POTEB3: variants seen among roughly 807,000 people sequenced by gnomAD.
POTEB3 encodes the protein POTE ankyrin domain family member B3, also known as ANKRD26-like family B member 1.
Under a neutral mutation model 39.8 loss-of-function variants are expected in POTEB3, and 5 were observed. That is an observed-to-expected ratio of 0.13 (90% CI 0.07 to 0.26). The LOEUF (loss-of-function observed/expected upper bound fraction) is 0.26. Ranked by LOEUF, POTEB3 falls within the 10% of genes least tolerant of loss-of-function variation. The probability of loss-of-function intolerance (pLI) is 1.00; values close to 1 mark genes in which losing one functional copy is unlikely to be tolerated. For synonymous variants in POTEB3, 5 were observed against 161.5 expected (o/e 0.03, Z 7.35); for missense variants, 24 against 475.6 (o/e 0.05, Z 8.83).
intron 6 of POTEB3, chr15:21,426,309 C>G (rs73414017): frequency 1.3e-5 from 5 of 382,886 alleles, no homozygotes; most frequent in African/African-American, 2.2e-5. Context: ...TTTTTCAAAA[C>G]TTTCATTCCT....
intron 6 of POTEB3, 51 bp downstream of exon 6, chr15:21,427,633 CA>C: frequency 4.6e-6 from 4 of 863,928 alleles, no homozygotes; most frequent in Non-Finnish European, 6.3e-6. Flanking sequence ...TCCCTGATGC[CA>C]AAAACATTGT....
intron 6 of POTEB3, chr15:21,426,348 A>G (rs1410312280): frequency 2.9e-6 from 1 of 344,322 alleles, no homozygotes; most frequent in African/African-American, 2.3e-5. Context: ...CATAATTAAT[A>G]CATAATAAAT....
chr15:21,433,296 C>G (rs1899048446), intron 3 of POTEB3, among the ~76,000 whole-genome samples: 1 of 150,706 alleles, frequency 6.6e-6, no homozygotes, highest in Non-Finnish European at 1.5e-5. Context: ...TTATGTTGAC[C>G]AGGCTAGAGT....
chr15:21,422,701 C>T (rs28419426), intron 6 of POTEB3, among the ~76,000 whole-genome samples: 20,446 of 132,214 alleles, frequency 0.15, 115 homozygotes, highest in African/African-American at 0.18. Context: ...ACCATCTCCC[C>T]TCCCCCTCAG....
chr15:21,417,901 A>G lies in POTEB3; in HGVS notation c.1409+1563T>C, dbSNP rs1186622664. Among the ~76,000 whole-genome samples the G allele has an allele frequency of 1.8e-5, 2 of 108,642 alleles. 1 individual carries two copies. Among genetic ancestry groups the G allele is most frequent in the Non-Finnish European group, 3.6e-5 (2 of 56,234 alleles). 71.3% of individuals were successfully genotyped at this position (108,642 alleles called of 152,430 possible). ...ACACATGCTGGGCACTTTTATAAAT[A>G]AGTGTTACTGCATTAGCAGCACCTT... On this transcript the variant is annotated intron_variant, in intron 9 of 10. Coordinates refer to ENST00000611217, the MANE Select transcript of POTEB3 (RefSeq NM_207355.5).
In POTEB3 at chr15:21,420,870, T is replaced by G. The variant is rs1279897998; in HGVS notation, c.1198-152A>C. On this transcript the variant is annotated intron_variant, in intron 7 of 10. Transcript: ENST00000611217. ...AAAATAAAATTTAACTTAAAATAATTAAATAAATAAATAATTAAAATTAAG... is the reference window on the plus strand; with the variant it reads ...AAAATAAAATTTAACTTAAAATAATGAAATAAATAAATAATTAAAATTAAG... 3.3e-5 allele frequency among the ~76,000 whole-genome samples: 2 copies of G among 60,564 alleles called. 1 individual carries two copies. Among genetic ancestry groups the G allele is most frequent in the Non-Finnish European group, 6.7e-5 (2 of 29,706 alleles). The allele number at this position is 60,564 out of a possible 152,430, so 39.7% of individuals were successfully genotyped here. A position where few individuals can be genotyped will look rare whatever the true frequency, so the allele number is the denominator to read the frequency against.
Position 21,434,988 on chromosome 15 carries a change from G to A in POTEB3, c.636+6C>T. On this transcript the variant is annotated splice_donor_region_variant and intron_variant, in intron 2 of 10. Coordinates refer to ENST00000611217, the MANE Select transcript of POTEB3 (RefSeq NM_207355.5). Reference sequence around the variant, plus strand: ...TCTCACGCTGATATAGTTGACTACTGCATACCTTTATCAGAGCTGTCCTTT... The same window carrying A: ...TCTCACGCTGATATAGTTGACTACTACATACCTTTATCAGAGCTGTCCTTT... 2 of 1,152 alleles carry A rather than the reference G, an allele frequency of 1.7e-3. No homozygotes were observed. Among genetic ancestry groups the A allele is most frequent in the Admixed American group, 5.1e-3 (1 of 196 alleles). The allele number at this position is 1,152 out of a possible 1,614,324, so 0.1% of individuals were successfully genotyped here.
intron 10 of POTEB3, 81 bp downstream of exon 10, chr15:21,410,797 A>C: frequency 1.3e-6 from 1 of 767,224 alleles, no homozygotes; most frequent in Non-Finnish European, 1.8e-6. Context: ...ATGATTTAAA[A>C]ATCCTTTATA....
rs1263764695 is a variant in POTEB3, at chr15:21,433,677, G to T, written c.810+984C>A. On this transcript the variant is annotated intron_variant, in intron 3 of 10. Transcript: ENST00000611217. Reference sequence around the variant, plus strand: ...TTTTCCCTGGTAAGAGTAGAACAAGGTCTAGTAAACTCAAAATCCAACCTG... The same window carrying T: ...TTTTCCCTGGTAAGAGTAGAACAAGTTCTAGTAAACTCAAAATCCAACCTG... Among the ~76,000 whole-genome samples, 36 of 148,176 alleles carry T rather than the reference G, an allele frequency of 2.4e-4. No homozygotes were observed. In the East Asian group the frequency reaches 7.0e-3, roughly 29 times the overall value.
At chr15:21,424,908 T>G (rs1898620908) in intron 6 of POTEB3, 1 of 146,720 alleles carries the variant, frequency 6.8e-6, no homozygotes, top group Non-Finnish European at 1.5e-5. Flanking sequence ...AAAATGGCTT[T>G]TATTACAAAA....
rs1380022655 is a variant in POTEB3, at chr15:21,413,538, A to AT, written c.1410-2538dup. ...TATATATATATATATATATATATAT[A>AT]TATATATATATATATGTATGTATGT... On this transcript the variant is annotated intron_variant, in intron 9 of 10. Coordinates refer to ENST00000611217, the MANE Select transcript of POTEB3 (RefSeq NM_207355.5). Among the ~76,000 whole-genome samples the AT allele has an allele frequency of 1.1e-3, 28 of 25,650 alleles. 4 individuals are homozygous for AT. The South Asian group carries it at 0.016, about 14-fold the overall frequency. The allele number at this position is 25,650 out of a possible 152,430, so 16.8% of individuals were successfully genotyped here.
rs1460907864 is a variant in POTEB3 at position 21,417,960 on chromosome 15, G to T, written c.1409+1504C>A. Among the ~76,000 whole-genome samples, 13 of 105,358 alleles carry T rather than the reference G, an allele frequency of 1.2e-4. 1 individual carries two copies. Among genetic ancestry groups the T allele is most frequent in the East Asian group, 2.3e-4 (1 of 4,376 alleles). The allele number at this position is 105,358 out of a possible 152,430, so 69.1% of individuals were successfully genotyped here. A position where few individuals can be genotyped will look rare whatever the true frequency, so the allele number is the denominator to read the frequency against. On this transcript the variant is annotated intron_variant, in intron 9 of 10. Coordinates refer to ENST00000611217, the MANE Select transcript of POTEB3 (RefSeq NM_207355.5). ...CACAAGGGTCAGCAAATTAGCACCT[G>T]TGGGCCAAATCCAGGCCACTGACTG...
rs1446913120 is a variant in POTEB3, at chr15:21,407,445, A to T, written c.*1538T>A. 4.6e-5 allele frequency among the ~76,000 whole-genome samples: 4 copies of T among 86,540 alleles called. 1 individual carries two copies. Among genetic ancestry groups the T allele is most frequent in the Non-Finnish European group, 8.3e-5 (4 of 48,422 alleles). 56.8% of individuals were successfully genotyped at this position (86,540 alleles called of 152,430 possible). ...ACACACACAGCTAAGTGATGTAGGAAGTTTCCATATAAAGGGCTGCAGTAT... is the reference window on the plus strand; with the variant it reads ...ACACACACAGCTAAGTGATGTAGGATGTTTCCATATAAAGGGCTGCAGTAT... On this transcript the variant is annotated 3_prime_UTR_variant, in exon 11 of 11. Coordinates refer to ENST00000611217, the MANE Select transcript of POTEB3 (RefSeq NM_207355.5).
intron 3 of POTEB3, among the ~76,000 whole-genome samples, chr15:21,433,181 G>C (rs1303015208): frequency 4.0e-5 from 6 of 151,168 alleles, no homozygotes; most frequent in Admixed American, 4.0e-4. Flanking sequence ...TGAAGTTTCT[G>C]AGATATAAGA....
At chr15:21,422,594 G>C (rs1176078890) in intron 6 of POTEB3, among the ~76,000 whole-genome samples, 1 of 136,560 alleles carries the variant, frequency 7.3e-6, no homozygotes, top group Non-Finnish European at 1.6e-5. Flanking sequence ...TAACAAGCAG[G>C]CCCAGGAAAG....
At chr15:21,415,070 C>A (rs1193456263) in intron 9 of POTEB3, among the ~76,000 whole-genome samples, 4 of 105,906 alleles carry the variant, frequency 3.8e-5, no homozygotes, top group Non-Finnish European at 7.3e-5. Flanking sequence ...CTGGGGGATA[C>A]AGCAAGACTC....
In POTEB3 at chr15:21,407,860, C is replaced by T. The variant is rs1898246676; in HGVS notation, c.*1123G>A. Among the ~76,000 whole-genome samples, 2 of 73,486 alleles carry T rather than the reference C, an allele frequency of 2.7e-5. 1 individual carries two copies. The highest frequency in any genetic ancestry group is 6.4e-4 in the South Asian group (2 of 3,126). 48.2% of individuals were successfully genotyped at this position (73,486 alleles called of 152,430 possible). On this transcript the variant is annotated 3_prime_UTR_variant, in exon 11 of 11. Transcript: ENST00000611217. ...GCACGTGAGATGGGGCTGGTCTGAC[C>T]TCAGCACTCCTTAAGTGCTGGGATA...
At chr15:21,423,150 G>A (rs1898576007) in intron 6 of POTEB3, among the ~76,000 whole-genome samples, 1 of 139,974 alleles carries the variant, frequency 7.1e-6, no homozygotes, top group South Asian at 2.4e-4. Flanking sequence ...CACCAGGCTG[G>A]AGTGCAGTGG....
rs1444740300 is a variant in POTEB3 at position 21,439,932 on chromosome 15, C to G, written c.80G>C (p.Trp27Ser). 6.2e-7 allele frequency: 1 copy of G among 1,609,200 alleles called. No individual in the cohort carries two copies. Among genetic ancestry groups the G allele is most frequent in the Admixed American group, 1.7e-5 (1 of 59,674 alleles). ...PFDLRSKMGK[W>S]CHHRFPCCRG... Reference sequence around the variant, plus strand: ...GCAGCAGGGGAAGCGGTGGTGGCACCACTTGCCCATCTTGCTCCTGAGATC... The same window carrying G: ...GCAGCAGGGGAAGCGGTGGTGGCACGACTTGCCCATCTTGCTCCTGAGATC... Residue 27 changes from tryptophan to serine, a missense_variant, in exon 1 of 11, where the codon TGG (tryptophan) becomes TCG (serine). Physicochemically the swap from Trp to Ser is radical, Grantham distance 177. Coordinates refer to ENST00000611217, the MANE Select transcript of POTEB3 (RefSeq NM_207355.5).
Sources: allele counts gnomAD v4.1 joint callset (sites outside exome capture counted in the v4.1 genomes callset), GRCh38; gene constraint gnomAD v4.1.1; transcripts MANE v1.5; gene names NCBI Gene and HGNC (gene_info 2026-07-23, HGNC 2026-07-21).